The following IL22 variants were observed in gnomAD, a reference collection of about 807,000 sequenced individuals.
IL22 encodes the protein interleukin 22, also known as interleukin-22.
Under a neutral mutation model 15.5 loss-of-function variants are expected in IL22, and 15 were observed. That is an observed-to-expected ratio of 0.97 (90% confidence interval 0.65 to 1.49). The LOEUF is 1.49. IL22 is among the 40% of genes most tolerant of loss of function. IL22 has a pLI of 0.00. For synonymous variants in IL22, 91 were observed against 82.0 expected, an observed-to-expected ratio of 1.11 and a Z score of -0.60; for missense variants, 225 against 215.4, an observed-to-expected ratio of 1.04 and a Z score of -0.28.
intron 5 of IL22, among the ~76,000 whole-genome samples, chr12:68,251,192 A>G (rs1219752474): frequency 6.6e-6 from 1 of 152,174 alleles, no homozygotes; most frequent in African/African-American, 2.4e-5. Context: ...AATCTGTATC[A>G]CCACCGGGAA....
intron 2 of IL22, among the ~76,000 whole-genome samples, 165 bp from the exon 3 acceptor site, chr12:68,252,994 A>G (rs1869990291): frequency 1.0e-5 from 1 of 97,932 alleles, no homozygotes; most frequent in Non-Finnish European, 2.4e-5. Context: ...GGCATAAAGG[A>G]AAAAAAAAAT....
In IL22 at chr12:68,252,356, T is replaced by C. The variant is rs1162140886; in HGVS notation, c.396+148A>G. ...CAAAGCAAAAGCAAATACTCTATGA[T>C]CCCAAATGACTCCTGATAACACTGC... On this transcript the variant is annotated intron_variant, in intron 4 of 5. Transcript: ENST00000538666. 5 of 748,252 alleles carry C rather than the reference T, an allele frequency of 6.7e-6. No individual in the cohort carries two copies. In the East Asian group the frequency reaches 1.3e-4, roughly 20 times the overall value. 46.4% of individuals were successfully genotyped at this position (748,252 alleles called of 1,614,324 possible).
At chr12:68,250,370 A>G (rs1869886022) in intron 5 of IL22, among the ~76,000 whole-genome samples, 1 of 152,234 alleles carries the variant, frequency 6.6e-6, no homozygotes, top group South Asian at 2.1e-4. Flanking sequence ...TAGTTCTATA[A>G]CAAGAGAACT....
chr12:68,252,955 G>A, intron 2 of IL22, 126 bp from the exon 3 acceptor site: 1 of 734,502 alleles, frequency 1.4e-6, no homozygotes, highest in Non-Finnish European at 2.3e-6. Flanking sequence ...GAATTCAGAT[G>A]TGTGCATGAG....
At position 68,252,838 on chromosome 12, in the gene IL22, G is replaced by C. The variant is rs1463779578; in HGVS notation, c.187-9C>G. The stretch of plus-strand genomic sequence containing the variant: ...TTATCAGCCAAGCTAGCCTGGAAGA[G>C]AAGAAAAGACTAAGGGTCTGGACAT... On this transcript the variant is annotated splice_polypyrimidine_tract_variant and intron_variant, in intron 2 of 5. Transcript: ENST00000538666. 4.3e-6 allele frequency: 7 copies of C among 1,613,008 alleles called. No homozygotes were observed. Among genetic ancestry groups the C allele is most frequent in the Non-Finnish European group, 5.1e-6 (6 of 1,179,088 alleles).
chr12:68,251,463 C>A (rs761829348), intron 5 of IL22, 50 bp downstream of exon 5: 1 of 1,310,954 alleles, frequency 7.6e-7, no homozygotes. Context: ...AGAAAAACAA[C>A]ATTTGTCTCT....
chr12:68,251,461 A>T, intron 5 of IL22, 52 bp downstream of exon 5: 2 of 1,302,532 alleles, frequency 1.5e-6, no homozygotes, highest in Non-Finnish European at 2.2e-6. Flanking sequence ...AAAGAAAAAC[A>T]ACATTTGTCT....
chr12:68,249,283 C>G (rs1869845213), intron 5 of IL22, among the ~76,000 whole-genome samples: 1 of 152,202 alleles, frequency 6.6e-6, no homozygotes, highest in Admixed American at 6.5e-5. Context: ...CTTGTCCAAC[C>G]TGCAGCCCAC....
chr12:68,252,368 C>T, intron 4 of IL22, 136 bp downstream of exon 4: 1 of 825,292 alleles, frequency 1.2e-6, no homozygotes, highest in East Asian at 2.6e-5. Flanking sequence ...CCAAATGACT[C>T]CTGATAACAC....
rs1870000588 is a variant in IL22 at position 68,253,192 on chromosome 12, T to C, written c.186+71A>G. On this transcript the variant is annotated intron_variant, in intron 2 of 5. Transcript: ENST00000538666. The stretch of plus-strand genomic sequence containing the variant: ...GTTCCTAAAGCTCTTAGAGATGCTC[T>C]GAAGAAAAGTTTAAGAACTATTTGG... The C allele has an allele frequency of 6.0e-6, 8 of 1,342,304 alleles. No individual in the cohort carries two copies. The Admixed American group carries it at 6.4e-5, about 11-fold the overall frequency. The allele number at this position is 1,342,304 out of a possible 1,614,324, so 83.1% of individuals were successfully genotyped here. A position where few individuals can be genotyped will look rare whatever the true frequency, so the allele number is the denominator to read the frequency against.
rs771084277 is a variant in IL22, at chr12:68,253,291, G to T, written c.158C>A (p.Thr53Asn). The change falls in exon 2 of 6, where the codon ACC (threonine) becomes AAC (asparagine). Residue 53 changes from threonine to asparagine, a missense_variant. By Grantham distance (65) the Thr-to-Asn change is moderately conservative (BLOSUM62 0). Coordinates refer to ENST00000538666, the MANE Select transcript of IL22 (RefSeq NM_020525.5). ...CTTAGCCAGCATGAAGGTGCGGTTG[G>T]TGATATAGGGCTGCTGGAAGTTGGA... ...DKSNFQQPYI[T>N]NRTFMLAKEA... The T allele has an allele frequency of 6.2e-7, 1 of 1,613,776 alleles. No homozygotes were observed. Among genetic ancestry groups the T allele is most frequent in the Non-Finnish European group, 8.5e-7 (1 of 1,179,782 alleles).
chr12:68,248,771 A>T lies in IL22; in HGVS notation c.*28T>A, dbSNP rs2120540221. The T allele has an allele frequency of 6.4e-7, 1 of 1,556,164 alleles. No individual in the cohort carries two copies. The highest frequency in any genetic ancestry group is 8.8e-7 in the Non-Finnish European group (1 of 1,131,046). On this transcript the variant is annotated 3_prime_UTR_variant, in exon 6 of 6. Transcript: ENST00000538666. ...TTATTTCTAGCAGGGAAAGGGGGTT[A>T]GTTATTCATTTTTCAGCTTTGCTCT...
intron 3 of IL22, 57 bp downstream of exon 3, chr12:68,252,707 A>G (rs1592914950): frequency 6.2e-7 from 1 of 1,612,182 alleles, no homozygotes. Context: ...CATCATCACC[A>G]CCACCCCAAG....
intron 2 of IL22, among the ~76,000 whole-genome samples, 176 bp from the exon 3 acceptor site, chr12:68,253,005 C>A (rs1453396569): frequency 4.7e-5 from 7 of 149,822 alleles, no homozygotes; most frequent in East Asian, 3.9e-4. Flanking sequence ...AAAAAAAAAT[C>A]ATCAGATGGA....
At chr12:68,250,547 G>A (rs1405403232) in intron 5 of IL22, among the ~76,000 whole-genome samples, 1 of 152,206 alleles carries the variant, frequency 6.6e-6, no homozygotes, top group Non-Finnish European at 1.5e-5. Context: ...GAGCCTTCAT[G>A]TTTCTGAGTA....
In IL22 at chr12:68,252,864, T is replaced by C. The variant is rs2227490; in HGVS notation, c.187-35A>G. On this transcript the variant is annotated intron_variant, in intron 2 of 5. Transcript: ENST00000538666. ...AAGAAAAGACTAAGGGTCTGGACAT[T>C]GAGCAAATAGAAAAAAAATTTATAC... 1.4e-3 allele frequency: 2,241 copies of C among 1,589,224 alleles called. 21 individuals carry two copies. In the African/African-American group the frequency reaches 0.026, roughly 19 times the overall value.
Position 68,248,812 on chromosome 12 carries a change from T to C in IL22, c.527A>G (p.Asn176Ser), listed in dbSNP as rs1317497170. 1 of 1,612,596 alleles carries C rather than the reference T, an allele frequency of 6.2e-7. No homozygotes were observed. The highest frequency in any genetic ancestry group is 1.1e-5 in the South Asian group (1 of 90,916). The change falls in exon 6 of 6, where the codon AAT becomes AGT. Residue 176 changes from asparagine (N) to serine (S), a missense_variant. Physicochemically the swap from Asn to Ser is conservative, Grantham distance 46. Transcript: ENST00000538666. ...ELDLLFMSLRNACI is the reference protein window; with the variant it reads ...ELDLLFMSLRSACI ...GCTTTGCTCTGGTCAAATGCAGGCA[T>C]TTCTCAGAGACATAAACAGCAAATC...
At chr12:68,251,635 T>A in intron 4 of IL22, 57 bp from the exon 5 acceptor site, 1 of 1,268,138 alleles carries the variant, frequency 7.9e-7, no homozygotes, top group Non-Finnish European at 1.2e-6. Context: ...TTTATGAACC[T>A]CCACACCCAT....
At chr12:68,252,016 G>A (rs1869947974) in intron 4 of IL22, among the ~76,000 whole-genome samples, 1 of 152,054 alleles carries the variant, frequency 6.6e-6, no homozygotes, top group Non-Finnish European at 1.5e-5. Flanking sequence ...AGTTTCAAAT[G>A]TTCAGCGGCA....
Sources: gnomAD v4.1 joint callset for allele counts (sites outside exome capture counted in the v4.1 genomes callset) on GRCh38, gnomAD v4.1.1 for gene constraint, MANE v1.5 for transcripts, NCBI Gene and HGNC (gene_info 2026-07-23, HGNC 2026-07-21) for gene names.